The following CHSY3 variants were observed in gnomAD, a reference collection of about 807,000 sequenced individuals.
CHSY3 encodes chondroitin sulfate synthase 3, also known as N-acetylgalactosaminyl-proteoglycan 3-beta-glucuronosyltransferase 3.
In CHSY3, 35 loss-of-function variants were observed where a neutral mutation model predicts 67.2. The observed-to-expected ratio is 0.52, with a 90% CI of 0.40 to 0.69. The LOEUF (loss-of-function observed/expected upper bound fraction) is 0.69. CHSY3 is among the 30% of genes least tolerant of loss of function. The probability of loss-of-function intolerance (pLI) is 0.00; values close to 1 mark genes in which losing one functional copy is unlikely to be tolerated. For synonymous variants in CHSY3, 474 were observed against 434.7 expected, an observed-to-expected ratio of 1.09 and a Z score of -1.12; for missense variants, 1,069 against 1,138.5, an observed-to-expected ratio of 0.94 and a Z score of 0.88.
chr5:129,912,186 A>T (rs1189488014), intron 2 of CHSY3, among the ~76,000 whole-genome samples: 3 of 152,210 alleles, frequency 2.0e-5, no homozygotes. Flanking sequence ...GAATTTGAGG[A>T]TGTTGTGTGG....
At chr5:129,947,640 G>T (rs889718882) in intron 2 of CHSY3, among the ~76,000 whole-genome samples, 16 of 150,544 alleles carry the variant, frequency 1.1e-4, no homozygotes, top group African/African-American at 3.7e-4. Flanking sequence ...AAAACAAAAC[G>T]AAACAAAAAA....
intron 2 of CHSY3, among the ~76,000 whole-genome samples, chr5:130,024,613 C>T (rs1368601101): frequency 6.6e-6 from 1 of 152,050 alleles, no homozygotes; most frequent in Non-Finnish European, 1.5e-5. Context: ...TGTACTTTTG[C>T]TGATTTCATA....
chr5:130,159,620 A>T (rs1226495238), intron 2 of CHSY3, among the ~76,000 whole-genome samples: 1 of 152,182 alleles, frequency 6.6e-6, no homozygotes, highest in African/African-American at 2.4e-5. Context: ...AGTGAAGTAA[A>T]AGTTTGAATG....
intron 2 of CHSY3, among the ~76,000 whole-genome samples, chr5:130,115,025 T>TA (rs1313439678): frequency 6.6e-6 from 1 of 152,102 alleles, no homozygotes; most frequent in Non-Finnish European, 1.5e-5. Flanking sequence ...AATCCAATTT[T>TA]AAAAAATTGC....
At chr5:130,089,983 G>A (rs1018243811) in intron 2 of CHSY3, among the ~76,000 whole-genome samples, 2 of 152,146 alleles carry the variant, frequency 1.3e-5, no homozygotes, top group Admixed American at 1.3e-4. Context: ...ACACAGTAGA[G>A]GGAACGCATC....
chr5:129,933,161 G>A (rs963952241), intron 2 of CHSY3, among the ~76,000 whole-genome samples: 16 of 152,238 alleles, frequency 1.1e-4, no homozygotes, highest in African/African-American at 3.9e-4. Context: ...TGGCTGATGA[G>A]CCATCAAACA....
chr5:130,101,673 A>G (rs558038461), intron 2 of CHSY3, among the ~76,000 whole-genome samples: 2 of 152,142 alleles, frequency 1.3e-5, no homozygotes, highest in Non-Finnish European at 2.9e-5. Flanking sequence ...ATGTTATACA[A>G]TAGATCCCTT....
chr5:129,911,677 T>G (rs1469950920), intron 2 of CHSY3, among the ~76,000 whole-genome samples: 2 of 152,196 alleles, frequency 1.3e-5, no homozygotes, highest in Non-Finnish European at 2.9e-5. Context: ...AAAAATAAAT[T>G]CTCAGAGAGT....
intron 2 of CHSY3, among the ~76,000 whole-genome samples, chr5:130,174,027 A>G (rs1052659425): frequency 6.6e-6 from 1 of 152,032 alleles, no homozygotes; most frequent in African/African-American, 2.4e-5. Flanking sequence ...GGACAATAAG[A>G]CTCTCCATTT....
intron 2 of CHSY3, among the ~76,000 whole-genome samples, chr5:129,939,750 G>A (rs1223862307): frequency 1.3e-5 from 2 of 152,136 alleles, no homozygotes; most frequent in South Asian, 2.1e-4. Flanking sequence ...AAATAAACGT[G>A]CTCATAGCTT....
chr5:130,092,939 A>G (rs2149693964), intron 2 of CHSY3, among the ~76,000 whole-genome samples: 1 of 152,314 alleles, frequency 6.6e-6, no homozygotes, highest in South Asian at 2.1e-4. Context: ...CTGGCATCTC[A>G]TTGTTCAAAT....
At chr5:130,155,297 G>A (rs953796312) in intron 2 of CHSY3, among the ~76,000 whole-genome samples, 3 of 152,080 alleles carry the variant, frequency 2.0e-5, no homozygotes, top group African/African-American at 4.8e-5. Flanking sequence ...CATAAAAGAA[G>A]GCCCTTTGAT....
chr5:130,130,973 G>T (rs755874473), intron 2 of CHSY3, among the ~76,000 whole-genome samples: 1 of 152,114 alleles, frequency 6.6e-6, no homozygotes, highest in Non-Finnish European at 1.5e-5. Context: ...TACTAAGGGT[G>T]CTTCTCAGAG....
chr5:130,065,378 CA>C (rs1346647793), intron 2 of CHSY3, among the ~76,000 whole-genome samples: 1 of 146,802 alleles, frequency 6.8e-6, no homozygotes, highest in Non-Finnish European at 1.5e-5. Flanking sequence ...CAAAACAAAA[CA>C]AAAAACGACT....
chr5:130,102,531 T>G (rs185441083), intron 2 of CHSY3, among the ~76,000 whole-genome samples: 65 of 152,184 alleles, frequency 4.3e-4, no homozygotes, highest in African/African-American at 1.5e-3. Flanking sequence ...TTCTGGTCGT[T>G]TTTAGCAGTA....
intron 2 of CHSY3, among the ~76,000 whole-genome samples, chr5:130,181,901 A>G (rs1441931331): frequency 6.6e-6 from 1 of 151,832 alleles, no homozygotes; most frequent in Admixed American, 6.6e-5. Context: ...TACTACATTT[A>G]TTCTGTTCTT....
chr5:130,056,007 C>G (rs1160528845), intron 2 of CHSY3, among the ~76,000 whole-genome samples: 3 of 152,056 alleles, frequency 2.0e-5, no homozygotes, highest in African/African-American at 7.2e-5. Context: ...ATTAATGTTG[C>G]CTGAATCTGA....
intron 2 of CHSY3, among the ~76,000 whole-genome samples, chr5:130,022,875 G>A (rs77146781): frequency 0.022 from 3,266 of 151,896 alleles, 110 homozygotes; most frequent in African/African-American, 0.072. Context: ...TTTCTAAAAG[G>A]GGTCCATGAA....
At chr5:130,115,381 A>G (rs1288033782) in intron 2 of CHSY3, among the ~76,000 whole-genome samples, 1 of 152,142 alleles carries the variant, frequency 6.6e-6, no homozygotes, top group Non-Finnish European at 1.5e-5. Context: ...TAAATTTCAC[A>G]ATTTCACAAT....
Sources: gnomAD v4.1 joint callset for allele counts (sites outside exome capture counted in the v4.1 genomes callset) on GRCh38, gnomAD v4.1.1 for gene constraint, MANE v1.5 for transcripts, NCBI Gene and HGNC (gene_info 2026-07-23, HGNC 2026-07-21) for gene names.